Variants in KIFC3 observed in about 807,000 individuals in gnomAD.
KIFC3 encodes the protein kinesin-like protein KIFC3.
A neutral mutation model predicts 101.8 loss-of-function variants in KIFC3; 60 were observed. The ratio of observed to expected loss-of-function variants is 0.59; its 90% confidence interval spans 0.48 to 0.73. The LOEUF (loss-of-function observed/expected upper bound fraction) is 0.73, where lower values mean the gene tolerates loss of function less well. Ranked by LOEUF, KIFC3 falls within the 30% of genes least tolerant of loss-of-function variation. KIFC3 has a pLI of 0.00. For missense variants in KIFC3, 966 were observed against 1,137.1 expected, an observed-to-expected ratio of 0.85 and a Z score of 2.16; for synonymous variants, 476 against 482.7, an observed-to-expected ratio of 0.99 and a Z score of 0.18.
intron 1 of KIFC3, among the ~76,000 whole-genome samples, chr16:57,858,040 T>A (rs1460184110): frequency 1.3e-5 from 2 of 151,956 alleles, no homozygotes; most frequent in Admixed American, 6.6e-5. Flanking sequence ...CTGGTCTCGA[T>A]CTCCTGACCT....
At chr16:57,815,512 A>G in intron 1 of KIFC3, 1 of 1,274,836 alleles carries the variant, frequency 7.8e-7, no homozygotes, top group Non-Finnish European at 1.0e-6. Flanking sequence ...GGACCACATC[A>G]GCACCTGGCC....
At chr16:57,850,975 TTCC>T (rs2056043718) in intron 1 of KIFC3, among the ~76,000 whole-genome samples, 2 of 16,590 alleles carry the variant, frequency 1.2e-4, no homozygotes, top group African/African-American at 2.7e-4. Context: ...CCTTCCTTCC[TTCC>T]TTCCTTCCTT....
At chr16:57,806,576 A>G (rs1355860509), upstream of KIFC3, among the ~76,000 whole-genome samples, 1 of 152,220 alleles carries the variant, frequency 6.6e-6, no homozygotes, top group Non-Finnish European at 1.5e-5. Flanking sequence ...AGACATGTTC[A>G]TTGAATAAAT....
In KIFC3 at chr16:57,794,996, T is replaced by C; in HGVS notation, c.315+3A>G. 1 of 1,571,306 alleles carries C rather than the reference T, an allele frequency of 6.4e-7. No homozygotes were observed. Among genetic ancestry groups the C allele is most frequent in the Non-Finnish European group, 8.6e-7 (1 of 1,165,634 alleles). On this transcript the variant is annotated splice_donor_region_variant and intron_variant, in intron 3 of 19. Transcript: ENST00000445690. The stretch of plus-strand genomic sequence containing the variant: ...ATGCAGCCTGGAAGGCCCCAGTGCT[T>C]ACCTGCAGGGTCAGGTAGAGCCCGT...
chr16:57,767,857 G>A (rs1225361312), intron 9 of KIFC3, among the ~76,000 whole-genome samples: 1 of 151,950 alleles, frequency 6.6e-6, no homozygotes, highest in East Asian at 1.9e-4. Context: ...ATATTTTTTT[G>A]TAGAGATGGG....
Position 57,774,219 on chromosome 16 carries a change from C to T in KIFC3, c.316-1931G>A, listed in dbSNP as rs78566502. On this transcript the variant is annotated intron_variant, in intron 3 of 19. Transcript: ENST00000445690. ...GAGGACGGCTCAAGTCCTTTGGCCCCTGGGTGGGAGTAGGGACAGTTTGCA... is the reference window on the plus strand; with the variant it reads ...GAGGACGGCTCAAGTCCTTTGGCCCTTGGGTGGGAGTAGGGACAGTTTGCA... The T allele has an allele frequency of 5.8e-3, 884 of 152,338 alleles. 3 individuals are homozygous for T. Among genetic ancestry groups the T allele is most frequent in the South Asian group, 0.011 (55 of 4,824 alleles). The allele number at this position is 152,338 out of a possible 1,614,324, so 9.4% of individuals were successfully genotyped here.
intron 1 of KIFC3, among the ~76,000 whole-genome samples, chr16:57,824,575 T>C (rs568154441): frequency 4.6e-5 from 7 of 152,250 alleles, no homozygotes; most frequent in Non-Finnish European, 7.4e-5. Context: ...TCAAGCTACT[T>C]GGGAGACTGA....
chr16:57,765,157 G>C (rs2050337843), intron 11 of KIFC3, among the ~76,000 whole-genome samples: 1 of 151,984 alleles, frequency 6.6e-6, no homozygotes, highest in Non-Finnish European at 1.5e-5. Context: ...ATAGTGGGAA[G>C]GGCCTCAAGG....
intron 1 of KIFC3, among the ~76,000 whole-genome samples, chr16:57,845,237 G>A (rs2055892843): frequency 1.3e-5 from 2 of 152,084 alleles, no homozygotes; most frequent in African/African-American, 4.8e-5. Flanking sequence ...ACTCCTGCCG[G>A]CTCTACCTTC....
intron 11 of KIFC3, among the ~76,000 whole-genome samples, chr16:57,765,250 C>G (rs1184649543): frequency 1.3e-5 from 2 of 152,140 alleles, no homozygotes; most frequent in Non-Finnish European, 2.9e-5. Context: ...GTCTGGATCT[C>G]TCCTTCCTAA....
rs782679520 is a variant in KIFC3, at chr16:57,758,701, T to C, written c.*233A>G. The C allele has an allele frequency of 4.0e-6, 3 of 749,820 alleles. No individual in the cohort carries two copies. The highest frequency in any genetic ancestry group is 7.0e-6 in the Non-Finnish European group (3 of 427,370). The allele number at this position is 749,820 out of a possible 1,614,324, so 46.4% of individuals were successfully genotyped here. On this transcript the variant is annotated 3_prime_UTR_variant, in exon 20 of 20. Coordinates refer to ENST00000445690, the MANE Select transcript of KIFC3 (RefSeq NM_001130100.2). ...GCAGCCACCCCCGCCTTTCCGCCCA[T>C]GCAATTTGCACTCAGAGCCACAGCC...
intron 1 of KIFC3, among the ~76,000 whole-genome samples, chr16:57,798,790 C>A (rs937462574): frequency 2.6e-5 from 4 of 152,192 alleles, no homozygotes; most frequent in Admixed American, 2.0e-4. Flanking sequence ...TCAAAAGGGC[C>A]CTGACTGTGG....
chr16:57,852,420 A>G (rs2056077469), intron 1 of KIFC3, among the ~76,000 whole-genome samples: 3 of 152,112 alleles, frequency 2.0e-5, no homozygotes, highest in Admixed American at 2.0e-4. Context: ...GACCTAAGAG[A>G]AGGCAGGAGG....
Position 57,758,395 on chromosome 16 carries a change from T to C in KIFC3, c.*539A>G, listed in dbSNP as rs1373589783. ...CAGCCATAAACACAGCACGGCCCCG[T>C]GGCGGGAGGCCATGCGCCTCCGCAC... On this transcript the variant is annotated 3_prime_UTR_variant, in exon 20 of 20. Coordinates refer to ENST00000445690, the MANE Select transcript of KIFC3 (RefSeq NM_001130100.2). 1.7e-5 allele frequency: 6 copies of C among 350,486 alleles called. No individual in the cohort carries two copies. Among genetic ancestry groups the C allele is most frequent in the Admixed American group, 4.0e-5 (1 of 24,920 alleles). The allele number at this position is 350,486 out of a possible 1,614,324, so 21.7% of individuals were successfully genotyped here. A position where few individuals can be genotyped will look rare whatever the true frequency, so the allele number is the denominator to read the frequency against.
chr16:57,859,793 G>A (rs1198501862), intron 1 of KIFC3, among the ~76,000 whole-genome samples: 31 of 151,626 alleles, frequency 2.0e-4, no homozygotes, highest in African/African-American at 6.5e-4. Context: ...AGGCTGAGGC[G>A]GGCAGACCAC....
intron 1 of KIFC3, among the ~76,000 whole-genome samples, chr16:57,814,232 C>T (rs1015167836): frequency 1.3e-5 from 2 of 152,140 alleles, no homozygotes; most frequent in Admixed American, 6.6e-5. Context: ...CACCTGCAGC[C>T]GTTTACCTGT....
At chr16:57,847,663 T>C (rs1250182175) in intron 1 of KIFC3, among the ~76,000 whole-genome samples, 2 of 152,006 alleles carry the variant, frequency 1.3e-5, no homozygotes, top group Non-Finnish European at 2.9e-5. Flanking sequence ...GATTTGCAGA[T>C]GATATAAATG....
At chr16:57,762,821 A>G (rs1466443110) in intron 12 of KIFC3, among the ~76,000 whole-genome samples, 1 of 151,516 alleles carries the variant, frequency 6.6e-6, no homozygotes, top group Non-Finnish European at 1.5e-5. Context: ...AGCACCTCTC[A>G]CTCACTCTCT....
intron 18 of KIFC3, 92 bp downstream of exon 18, chr16:57,759,636 G>A (rs565969641): frequency 1.0e-6 from 1 of 969,932 alleles, no homozygotes; most frequent in African/African-American, 1.7e-5. Context: ...TTTTTAAAAA[G>A]GAAAGAAAAG....
Sources: gnomAD v4.1 joint callset for allele counts (sites outside exome capture counted in the v4.1 genomes callset) on GRCh38, gnomAD v4.1.1 for gene constraint, MANE v1.5 for transcripts, NCBI Gene and HGNC (gene_info 2026-07-23, HGNC 2026-07-21) for gene names.